The following SCMH1 variants were observed in gnomAD, a reference collection of about 807,000 sequenced individuals.
SCMH1 encodes the protein polycomb protein SCMH1.
Under a neutral mutation model 70.8 loss-of-function variants are expected in SCMH1, and 37 were observed. The ratio of observed to expected loss-of-function variants is 0.52; its 90% CI spans 0.40 to 0.69. SCMH1 has a LOEUF of 0.69. Ranked by LOEUF, SCMH1 falls within the 30% of genes least tolerant of loss-of-function variation. The probability of loss-of-function intolerance (pLI) is 0.00; values close to 1 mark genes in which losing one functional copy is unlikely to be tolerated. For missense variants in SCMH1, 607 were observed against 827.3 expected (o/e 0.73, Z 3.27); for synonymous variants, 292 against 307.4 (o/e 0.95, Z 0.52).
chr1:41,067,485 C>T (rs1280639531), intron 10 of SCMH1, among the ~76,000 whole-genome samples: 5 of 140,354 alleles, frequency 3.6e-5, no homozygotes, highest in Admixed American at 3.5e-4. Context: ...AAAAAAAGAG[C>T]TATCAAGACA....
At chr1:41,042,688 T>G (rs1646353266) in intron 12 of SCMH1, among the ~76,000 whole-genome samples, 1 of 152,190 alleles carries the variant, frequency 6.6e-6, no homozygotes, top group Non-Finnish European at 1.5e-5. Context: ...CATCATGCTT[T>G]GCTGGGCCAG....
At chr1:41,188,418 A>G (rs1392092517) in intron 1 of SCMH1, among the ~76,000 whole-genome samples, 1 of 152,220 alleles carries the variant, frequency 6.6e-6, no homozygotes, top group Non-Finnish European at 1.5e-5. Flanking sequence ...GAAATGTTCA[A>G]TATTCCTGTT....
intron 2 of SCMH1, among the ~76,000 whole-genome samples, chr1:41,175,107 T>G (rs1049095731): frequency 6.6e-6 from 1 of 152,230 alleles, no homozygotes; most frequent in African/African-American, 2.4e-5. Flanking sequence ...TAAACATTAT[T>G]TCTGAGTGTA....
intron 1 of SCMH1, among the ~76,000 whole-genome samples, chr1:41,192,004 A>G (rs1651831377): frequency 6.6e-6 from 1 of 152,180 alleles, no homozygotes; most frequent in South Asian, 2.1e-4. Context: ...GTATTTTAGG[A>G]CAGCTTTCAT....
chr1:41,028,313 C>A, exon 15 of SCMH1: 1 of 1,611,416 alleles, frequency 6.2e-7, no homozygotes, highest in South Asian at 1.1e-5. Context: ...GCCTTGCCAT[C>A]GATCTCCTGG....
At chr1:41,027,776 T>G in exon 15 of SCMH1, 1 of 171,426 alleles carries the variant, frequency 5.8e-6, no homozygotes, top group Non-Finnish European at 1.2e-5. Context: ...GGTAGAGGTT[T>G]GCACCACGAG....
intron 13 of SCMH1, among the ~76,000 whole-genome samples, chr1:41,037,081 G>A (rs961658357): frequency 6.7e-6 from 1 of 149,544 alleles, no homozygotes; most frequent in Non-Finnish European, 1.5e-5. Flanking sequence ...AACACAAATG[G>A]AGTTCAAATA....
chr1:41,114,284 G>A (rs1011140917), intron 7 of SCMH1, among the ~76,000 whole-genome samples: 4 of 152,182 alleles, frequency 2.6e-5, no homozygotes, highest in Non-Finnish European at 5.9e-5. Flanking sequence ...TTCACCGGAA[G>A]TGTAGAGAGT....
chr1:41,072,415 C>G (rs969961264), intron 9 of SCMH1, among the ~76,000 whole-genome samples: 2 of 152,228 alleles, frequency 1.3e-5, no homozygotes, highest in Non-Finnish European at 2.9e-5. Context: ...TACATTATCT[C>G]ATTTCCATTT....
At chr1:41,160,783 AT>A (rs1238546363) in intron 4 of SCMH1, 91 bp downstream of exon 4, 2 of 1,205,308 alleles carry the variant, frequency 1.7e-6, no homozygotes, top group Non-Finnish European at 2.4e-6. Flanking sequence ...GACACGTGGA[AT>A]TCTTTTCCTC....
intron 2 of SCMH1, among the ~76,000 whole-genome samples, chr1:41,164,506 G>A (rs772043851): frequency 2.2e-4 from 33 of 152,056 alleles, no homozygotes; most frequent in Non-Finnish European, 2.5e-4. Context: ...ATTTCACGAC[G>A]GTAGAGACTT....
chr1:41,165,169 C>T (rs1439620407), intron 2 of SCMH1, among the ~76,000 whole-genome samples: 1 of 152,134 alleles, frequency 6.6e-6, no homozygotes, highest in Non-Finnish European at 1.5e-5. Flanking sequence ...CTGACTTCAA[C>T]ATTACATCCT....
At chr1:41,116,898 G>A in intron 7 of SCMH1, 24 bp downstream of exon 7, 1 of 1,577,576 alleles carries the variant, frequency 6.3e-7, no homozygotes, top group Non-Finnish European at 8.6e-7. Flanking sequence ...GCCTGGAGCT[G>A]GTGATATCTG....
chr1:41,239,426 A>G (rs377639744), intron 1 of SCMH1, among the ~76,000 whole-genome samples: 10 of 152,220 alleles, frequency 6.6e-5, no homozygotes, highest in Admixed American at 5.9e-4. Flanking sequence ...AGGCTAGTCT[A>G]AGTGCCCTCA....
intron 2 of SCMH1, among the ~76,000 whole-genome samples, chr1:41,176,607 C>T (rs183405094): frequency 4.4e-4 from 67 of 152,316 alleles, no homozygotes; most frequent in Non-Finnish European, 7.6e-4. Context: ...GATTATATCC[C>T]GCGCCTGGCT....
chr1:41,068,097 G>A (rs1054909665), intron 10 of SCMH1, among the ~76,000 whole-genome samples: 1 of 152,178 alleles, frequency 6.6e-6, no homozygotes, highest in East Asian at 1.9e-4. Flanking sequence ...TTTCCTAAAC[G>A]TGTGTAAAAT....
chr1:41,140,979 A>G (rs891914187), intron 6 of SCMH1, among the ~76,000 whole-genome samples: 22 of 152,242 alleles, frequency 1.4e-4, no homozygotes, highest in African/African-American at 4.3e-4. Context: ...GATACTAAGC[A>G]ACAACAACAA....
intron 1 of SCMH1, among the ~76,000 whole-genome samples, chr1:41,190,017 G>A (rs1377425844): frequency 6.6e-6 from 1 of 152,160 alleles, no homozygotes; most frequent in Non-Finnish European, 1.5e-5. Flanking sequence ...TGGATCTGAT[G>A]TCATTAAATA....
At position 41,205,569 on chromosome 1, in the gene SCMH1, G is replaced by A. The variant is rs12118579; in HGVS notation, c.-117-19319C>T. On this transcript the variant is annotated intron_variant, in intron 1 of 14. Transcript: ENST00000337495. Reference sequence around the variant, plus strand: ...TCTGCCATTGCTGAGGCTTGAGTAGGTAAACAAAGTGGCCAGGAAGCTCGA... The same window carrying A: ...TCTGCCATTGCTGAGGCTTGAGTAGATAAACAAAGTGGCCAGGAAGCTCGA... Among the ~76,000 whole-genome samples, 1,007 of 152,320 alleles carry A rather than the reference G, an allele frequency of 6.6e-3. 9 individuals carry two copies. Among genetic ancestry groups the A allele is most frequent in the Non-Finnish European group, 0.011 (775 of 68,016 alleles).
Sources: allele counts gnomAD v4.1 joint callset (sites outside exome capture counted in the v4.1 genomes callset), GRCh38; gene constraint gnomAD v4.1.1; transcripts MANE v1.5; gene names NCBI Gene and HGNC (gene_info 2026-07-23, HGNC 2026-07-21).